SYNDIG1: variants seen among roughly 807,000 people sequenced by gnomAD.
The protein encoded by SYNDIG1 is synapse differentiation-inducing gene protein 1.
SYNDIG1 carries 9 observed loss-of-function variants against 19.4 expected under a neutral mutation model. That is an observed-to-expected ratio of 0.46 (90% CI 0.28 to 0.81). The LOEUF (loss-of-function observed/expected upper bound fraction) is 0.81, where lower values mean the gene tolerates loss of function less well. Ranked by LOEUF, SYNDIG1 falls within the 30% of genes least tolerant of loss-of-function variation. The pLI, the probability that SYNDIG1 is intolerant of heterozygous loss-of-function variation, is 0.12. For missense variants in SYNDIG1, 311 were observed against 343.3 expected, an observed-to-expected ratio of 0.91 and a Z score of 0.74; for synonymous variants, 141 against 145.9, an observed-to-expected ratio of 0.97 and a Z score of 0.24.
At chr20:24,563,242 T>C (rs1032980113) in intron 2 of SYNDIG1, among the ~76,000 whole-genome samples, 3 of 152,242 alleles carry the variant, frequency 2.0e-5, no homozygotes, top group African/African-American at 7.2e-5. Flanking sequence ...GTGTCTAAAG[T>C]ATATTTCTGC....
At chr20:24,581,253 AGCTTTG>A (rs1360072457) in intron 2 of SYNDIG1, among the ~76,000 whole-genome samples, 7 of 152,224 alleles carry the variant, frequency 4.6e-5, no homozygotes, top group African/African-American at 1.4e-4. Flanking sequence ...TTGGAGCCTC[AGCTTTG>A]TCCTTTGTAA....
chr20:24,610,499 C>CT (rs2058830118), intron 3 of SYNDIG1, among the ~76,000 whole-genome samples: 1 of 152,228 alleles, frequency 6.6e-6, no homozygotes, highest in African/African-American at 2.4e-5. Flanking sequence ...ATCCCCATCT[C>CT]TGATTCCACA....
chr20:24,622,525 T>A (rs1396888619), intron 3 of SYNDIG1, among the ~76,000 whole-genome samples: 1 of 152,182 alleles, frequency 6.6e-6, no homozygotes, highest in African/African-American at 2.4e-5. Context: ...TCCTGTCAGA[T>A]CACTGGTGGC....
intron 2 of SYNDIG1, among the ~76,000 whole-genome samples, chr20:24,552,926 A>G (rs1484547095): frequency 6.6e-6 from 1 of 152,178 alleles, no homozygotes. Flanking sequence ...AGTCCCACCA[A>G]CAGTGTAAAA....
At chr20:24,653,085 C>T (rs1362918543) in intron 3 of SYNDIG1, among the ~76,000 whole-genome samples, 2 of 152,180 alleles carry the variant, frequency 1.3e-5, no homozygotes, top group African/African-American at 2.4e-5. Context: ...TTTCTAGTGG[C>T]ACTTGAACAT....
chr20:24,508,702 C>T (rs1033090165), intron 1 of SYNDIG1, among the ~76,000 whole-genome samples: 8 of 152,220 alleles, frequency 5.3e-5, no homozygotes, highest in African/African-American at 1.7e-4. Context: ...ACCAAATGAG[C>T]AGGCAAAAGT....
rs543045300 is a variant in SYNDIG1, at chr20:24,601,899, T to C, written c.618+16906T>C. Among the ~76,000 whole-genome samples the C allele has an allele frequency of 9.8e-5, 15 of 152,334 alleles. No individual in the cohort carries two copies. In the South Asian group the frequency reaches 3.1e-3, roughly 32 times the overall value. On this transcript the variant is annotated intron_variant, in intron 3 of 3. Coordinates refer to ENST00000376862, the MANE Select transcript of SYNDIG1 (RefSeq NM_024893.3). ...AAATGCCTTTTTATTACATTTATTC[T>C]TGCAGGTATGATCATTAGGTATAGA... is the stretch of plus-strand genomic sequence containing the variant.
At chr20:24,630,282 G>A (rs748414167) in intron 3 of SYNDIG1, among the ~76,000 whole-genome samples, 17 of 152,138 alleles carry the variant, frequency 1.1e-4, no homozygotes, top group Admixed American at 5.2e-4. Context: ...TGAGACCCCT[G>A]GGGATTGACC....
chr20:24,584,373 C>A (rs956472528), intron 2 of SYNDIG1, among the ~76,000 whole-genome samples: 1 of 152,362 alleles, frequency 6.6e-6, no homozygotes, highest in South Asian at 2.1e-4. Flanking sequence ...TCTCGTAATA[C>A]AAAGAAAAAC....
intron 3 of SYNDIG1, among the ~76,000 whole-genome samples, chr20:24,608,324 A>G (rs566233839): frequency 6.6e-6 from 1 of 152,142 alleles, no homozygotes; most frequent in African/African-American, 2.4e-5. Context: ...GACTACAGGC[A>G]CCTGCCATCA....
At chr20:24,556,310 A>T (rs1443564179) in intron 2 of SYNDIG1, among the ~76,000 whole-genome samples, 1 of 152,034 alleles carries the variant, frequency 6.6e-6, no homozygotes, top group East Asian at 1.9e-4. Context: ...TTTACATTTA[A>T]AGTTGATATT....
At chr20:24,643,085 A>G (rs1167282259) in intron 3 of SYNDIG1, among the ~76,000 whole-genome samples, 1 of 152,204 alleles carries the variant, frequency 6.6e-6, no homozygotes, top group Non-Finnish European at 1.5e-5. Flanking sequence ...ATGTACATAT[A>G]TATATATCCA....
chr20:24,593,097 C>A (rs2058538865), intron 3 of SYNDIG1, among the ~76,000 whole-genome samples: 1 of 152,112 alleles, frequency 6.6e-6, no homozygotes, highest in Non-Finnish European at 1.5e-5. Context: ...GGTAGATGTA[C>A]AGGTTTGTTA....
chr20:24,664,006 T>C (rs1465805829), intron 3 of SYNDIG1, among the ~76,000 whole-genome samples: 1 of 152,162 alleles, frequency 6.6e-6, no homozygotes, highest in Non-Finnish European at 1.5e-5. Flanking sequence ...AGGCTTCCCA[T>C]TTTGCATCCC....
chr20:24,478,904 A>C (rs1426997112), intron 1 of SYNDIG1, among the ~76,000 whole-genome samples: 11 of 152,188 alleles, frequency 7.2e-5, no homozygotes, highest in Non-Finnish European at 1.5e-5. Flanking sequence ...TATCGGATTG[A>C]ACTCCGCAGG....
rs147969673 is a variant in SYNDIG1 at position 24,611,391 on chromosome 20, C to G, written c.618+26398C>G. Among the ~76,000 whole-genome samples the G allele has an allele frequency of 2.0e-5, 3 of 152,288 alleles. No individual in the cohort carries two copies. The East Asian group carries it at 5.8e-4, about 29-fold the overall frequency. On this transcript the variant is annotated intron_variant, in intron 3 of 3. Coordinates refer to ENST00000376862, the MANE Select transcript of SYNDIG1 (RefSeq NM_024893.3). ...CTAAGGCAGTAAGCTGGTACCTGTCCCCAGCGAAGACTTCAGCGGTTCCTG... is the reference window on the plus strand; with the variant it reads ...CTAAGGCAGTAAGCTGGTACCTGTCGCCAGCGAAGACTTCAGCGGTTCCTG...
intron 2 of SYNDIG1, among the ~76,000 whole-genome samples, chr20:24,574,072 C>T (rs1438855012): frequency 1.3e-5 from 2 of 152,196 alleles, no homozygotes; most frequent in African/African-American, 2.4e-5. Context: ...CAGGAGCAGC[C>T]TCCAGGCTCC....
intron 3 of SYNDIG1, among the ~76,000 whole-genome samples, chr20:24,621,219 A>G (rs1216319104): frequency 6.6e-6 from 1 of 152,236 alleles, no homozygotes; most frequent in Non-Finnish European, 1.5e-5. Flanking sequence ...AGCAACCTTA[A>G]AGCATTTGCT....
At chr20:24,552,827 T>C (rs1432508332) in intron 2 of SYNDIG1, among the ~76,000 whole-genome samples, 3 of 152,238 alleles carry the variant, frequency 2.0e-5, no homozygotes, top group Non-Finnish European at 4.4e-5. Flanking sequence ...ATATACCCGG[T>C]AATGGGATGG....
Sources: gnomAD v4.1 joint callset for allele counts (sites outside exome capture counted in the v4.1 genomes callset) on GRCh38, gnomAD v4.1.1 for gene constraint, MANE v1.5 for transcripts, NCBI Gene and HGNC (gene_info 2026-07-23, HGNC 2026-07-21) for gene names.